Variants in PAQR3 observed in about 807,000 individuals in gnomAD.
PAQR3 encodes Raf kinase trapping to Golgi.
Under a neutral mutation model 41.7 loss-of-function variants are expected in PAQR3, and 39 were observed. The observed-to-expected ratio is 0.93, with a 90% CI of 0.72 to 1.22. The LOEUF (loss-of-function observed/expected upper bound fraction) is 1.22. PAQR3 is among the 50% of genes most tolerant of loss of function. The pLI is 0.00. For missense variants in PAQR3, 366 were observed against 385.6 expected, an observed-to-expected ratio of 0.95 and a Z score of 0.42; for synonymous variants, 140 against 140.6, an observed-to-expected ratio of 1.00 and a Z score of 0.03.
chr4:78,920,522 A>G lies in PAQR3; in HGVS notation c.*17T>C, dbSNP rs746616790. On this transcript the variant is annotated 3_prime_UTR_variant, in exon 6 of 6. Coordinates refer to ENST00000512733, the MANE Select transcript of PAQR3 (RefSeq NM_001040202.2). ...ATATTGCTTAACAACTGAATTCACCAGGTGGCCATACCTAATTCACAAATG... is the reference window on the plus strand; with the variant it reads ...ATATTGCTTAACAACTGAATTCACCGGGTGGCCATACCTAATTCACAAATG... The G allele has an allele frequency of 6.2e-7, 1 of 1,602,578 alleles. No homozygotes were observed. The highest frequency in any genetic ancestry group is 2.3e-5 in the East Asian group (1 of 44,378).
chr4:78,937,677 G>A (rs975121754), intron 1 of PAQR3, among the ~76,000 whole-genome samples: 5 of 152,156 alleles, frequency 3.3e-5, no homozygotes, highest in Admixed American at 1.3e-4. Flanking sequence ...TGGGTATAAT[G>A]AGGCTCAGTG....
At chr4:78,910,994 T>C, downstream of PAQR3, 3 of 1,613,636 alleles carry the variant, frequency 1.9e-6, no homozygotes, top group East Asian at 2.2e-5. Flanking sequence ...TACAGTGACA[T>C]GAGCTCTGTC....
chr4:78,930,824 A>G (rs1736783948), intron 2 of PAQR3, among the ~76,000 whole-genome samples: 1 of 152,022 alleles, frequency 6.6e-6, no homozygotes, highest in South Asian at 2.1e-4. Flanking sequence ...CTTTCCAGAT[A>G]TTTTCAATAC....
rs79697908 is a variant in PAQR3 at position 78,938,133 on chromosome 4, G to A, written c.185+907C>T. ...AAAATCAAGAATCAGACATGTGGTTGCCGCTTGAGCAATTCAACAGCCCAC... is the reference window on the plus strand; with the variant it reads ...AAAATCAAGAATCAGACATGTGGTTACCGCTTGAGCAATTCAACAGCCCAC... On this transcript the variant is annotated intron_variant, in intron 1 of 5. Transcript: ENST00000512733. Among the ~76,000 whole-genome samples, 665 of 152,314 alleles carry A rather than the reference G, an allele frequency of 4.4e-3. 2 individuals carry two copies. The highest frequency in any genetic ancestry group is 0.015 in the African/African-American group (629 of 41,560).
At chr4:78,890,130 A>C (rs951929020) in intron 11 of PAQR3, among the ~76,000 whole-genome samples, 7 of 152,116 alleles carry the variant, frequency 4.6e-5, no homozygotes, top group Admixed American at 4.6e-4. Flanking sequence ...TTATTAAAGT[A>C]TGTATATAGT....
intron 5 of PAQR3, chr4:78,922,413 G>T (rs954867688): frequency 2.3e-6 from 3 of 1,288,856 alleles, no homozygotes; most frequent in Non-Finnish European, 3.0e-6. Context: ...ATTCACCGTG[G>T]AAGTGATTCT....
chr4:78,921,205 T>C (rs1247116051), intron 5 of PAQR3, among the ~76,000 whole-genome samples: 3 of 151,964 alleles, frequency 2.0e-5, no homozygotes, highest in Non-Finnish European at 4.4e-5. Flanking sequence ...ATGTAATTAG[T>C]AATGGATTAA....
chr4:78,920,315 A>C lies in PAQR3; in HGVS notation c.*224T>G. The C allele has an allele frequency of 8.4e-7, 1 of 1,192,634 alleles. No individual in the cohort carries two copies. The highest frequency in any genetic ancestry group is 1.0e-6 in the Non-Finnish European group (1 of 962,490). 73.9% of individuals were successfully genotyped at this position (1,192,634 alleles called of 1,614,324 possible). On this transcript the variant is annotated 3_prime_UTR_variant, in exon 6 of 6. Transcript: ENST00000512733. ...CAGATGTTTCTTATGATTGCCAACTAATTTTCACTTTCTGTACAAGCAGCA... is the reference window on the plus strand; with the variant it reads ...CAGATGTTTCTTATGATTGCCAACTCATTTTCACTTTCTGTACAAGCAGCA...
chr4:78,888,297 T>TAAC (rs1733212798), intron 11 of PAQR3: 2 of 152,248 alleles, frequency 1.3e-5, no homozygotes. Flanking sequence ...CTGGGGAACA[T>TAAC]AGCTTACTGT....
rs1478652816 is a variant in PAQR3 at position 78,913,522 on chromosome 4, A to G, written c.*7017T>C. 6.6e-6 allele frequency: 1 copy of G among 152,132 alleles called. No individual in the cohort carries two copies. 9.4% of individuals were successfully genotyped at this position (152,132 alleles called of 1,614,324 possible). On this transcript the variant is annotated 3_prime_UTR_variant, in exon 6 of 6. Coordinates refer to ENST00000512733, the MANE Select transcript of PAQR3 (RefSeq NM_001040202.2). ...GGAAGTTTCTAGAACAGTTAATGCT[A>G]TTTACAGAAAGGAGTAGAAACTCAT...
In PAQR3 at chr4:78,919,960, T is replaced by G. The variant is rs1184636355; in HGVS notation, c.*579A>C. The G allele has an allele frequency of 1.0e-6, 1 of 985,070 alleles. No individual in the cohort carries two copies. The highest frequency in any genetic ancestry group is 1.2e-6 in the Non-Finnish European group (1 of 829,452). The allele number at this position is 985,070 out of a possible 1,614,324, so 61.0% of individuals were successfully genotyped here. On this transcript the variant is annotated 3_prime_UTR_variant, in exon 6 of 6. Transcript: ENST00000512733. Reference sequence around the variant, plus strand: ...GTTTAAAGCTTTTGTTCTGGAAAACTAAAATATCTAATGTTCTTAGGGAGA... The same window carrying G: ...GTTTAAAGCTTTTGTTCTGGAAAACGAAAATATCTAATGTTCTTAGGGAGA...
intron 3 of PAQR3, 31 bp downstream of exon 3, chr4:78,930,139 G>A (rs190342308): frequency 2.5e-6 from 4 of 1,571,498 alleles, no homozygotes; most frequent in Non-Finnish European, 1.7e-6. Context: ...CAATATGAAA[G>A]GTCGAATGTA....
chr4:78,915,865 C>T lies in PAQR3; in HGVS notation c.*4674G>A, dbSNP rs552956287. On this transcript the variant is annotated 3_prime_UTR_variant, in exon 6 of 6. Coordinates refer to ENST00000512733, the MANE Select transcript of PAQR3 (RefSeq NM_001040202.2). Reference sequence around the variant, plus strand: ...TGAAAGAATTGTTTTTATGACTATGCTCTTTTTGTGATTGAAAAGTCATCT... The same window carrying T: ...TGAAAGAATTGTTTTTATGACTATGTTCTTTTTGTGATTGAAAAGTCATCT... The T allele has an allele frequency of 6.6e-6, 1 of 151,806 alleles. No homozygotes were observed. The highest frequency in any genetic ancestry group is 1.5e-5 in the Non-Finnish European group (1 of 67,830). The allele number at this position is 151,806 out of a possible 1,614,324, so 9.4% of individuals were successfully genotyped here. A position where few individuals can be genotyped will look rare whatever the true frequency, so the allele number is the denominator to read the frequency against.
At position 78,917,775 on chromosome 4, in the gene PAQR3, G is replaced by A. The variant is rs1735224940; in HGVS notation, c.*2764C>T. ...CTAGTAGGTACCTGCCAAATGGAGA[G>A]TTGTACAGTTTTACGGAAGTCAATC... On this transcript the variant is annotated 3_prime_UTR_variant, in exon 6 of 6. Transcript: ENST00000512733. 1 of 976,142 alleles carries A rather than the reference G, an allele frequency of 1.0e-6. No homozygotes were observed. Among genetic ancestry groups the A allele is most frequent in the Non-Finnish European group, 1.2e-6 (1 of 821,486 alleles). 60.5% of individuals were successfully genotyped at this position (976,142 alleles called of 1,614,324 possible).
Position 78,920,118 on chromosome 4 carries a change from AAAC to A in PAQR3, c.*418_*420del. 2 of 986,780 alleles carry A rather than the reference AAAC, an allele frequency of 2.0e-6. No individual in the cohort carries two copies. The highest frequency in any genetic ancestry group is 2.4e-6 in the Non-Finnish European group (2 of 830,642). 61.1% of individuals were successfully genotyped at this position (986,780 alleles called of 1,614,324 possible). A position where few individuals can be genotyped will look rare whatever the true frequency, so the allele number is the denominator to read the frequency against. On this transcript the variant is annotated 3_prime_UTR_variant, in exon 6 of 6. Transcript: ENST00000512733. ...CCTAGCTTGCATTAAGCATAGGCTG[AAAC>A]AACACTTGCCTTGATTAGGCACTTA... is the stretch of plus-strand genomic sequence containing the variant.
rs1383985425 is a variant in PAQR3, at chr4:78,915,593, C to A, written c.*4946G>T. 6.6e-6 allele frequency: 1 copy of A among 151,668 alleles called. No homozygotes were observed. Among genetic ancestry groups the A allele is most frequent in the African/African-American group, 2.4e-5 (1 of 41,316 alleles). 9.4% of individuals were successfully genotyped at this position (151,668 alleles called of 1,614,324 possible). ...AAATGATGAATAGTTTATTTGAGAA[C>A]TTTTATACTCAGTGGTGTTTTATAT... On this transcript the variant is annotated 3_prime_UTR_variant, in exon 6 of 6. Transcript: ENST00000512733.
At position 78,919,750 on chromosome 4, in the gene PAQR3, A is replaced by C; in HGVS notation, c.*789T>G. 1 of 984,904 alleles carries C rather than the reference A, an allele frequency of 1.0e-6. No homozygotes were observed. The highest frequency in any genetic ancestry group is 1.2e-6 in the Non-Finnish European group (1 of 829,524). The allele number at this position is 984,904 out of a possible 1,614,324, so 61.0% of individuals were successfully genotyped here. A position where few individuals can be genotyped will look rare whatever the true frequency, so the allele number is the denominator to read the frequency against. On this transcript the variant is annotated 3_prime_UTR_variant, in exon 6 of 6. Coordinates refer to ENST00000512733, the MANE Select transcript of PAQR3 (RefSeq NM_001040202.2). ...CAAAAACCTGTAATCCACTCACAAG[A>C]ATTCAGTTATTATATGGAATTAAAT... is the stretch of plus-strand genomic sequence containing the variant.
intron 1 of PAQR3, among the ~76,000 whole-genome samples, chr4:78,937,557 T>C (rs1023674810): frequency 9.2e-5 from 14 of 152,242 alleles, no homozygotes; most frequent in African/African-American, 3.1e-4. Context: ...TCACCATTTA[T>C]TGACGGCTTA....
rs1432006695 is a variant in PAQR3, at chr4:78,916,866, T to C, written c.*3673A>G. 1 of 151,830 alleles carries C rather than the reference T, an allele frequency of 6.6e-6. No individual in the cohort carries two copies. The highest frequency in any genetic ancestry group is 1.5e-5 in the Non-Finnish European group (1 of 67,860). 9.4% of individuals were successfully genotyped at this position (151,830 alleles called of 1,614,324 possible). A position where few individuals can be genotyped will look rare whatever the true frequency, so the allele number is the denominator to read the frequency against. ...TTGGATTGATGGACTAAGCTTGGCATCAAGGTTATAATATGTATTATTCCA... is the reference window on the plus strand; with the variant it reads ...TTGGATTGATGGACTAAGCTTGGCACCAAGGTTATAATATGTATTATTCCA... On this transcript the variant is annotated 3_prime_UTR_variant, in exon 6 of 6. Coordinates refer to ENST00000512733, the MANE Select transcript of PAQR3 (RefSeq NM_001040202.2).
Sources: allele counts gnomAD v4.1 joint callset (sites outside exome capture counted in the v4.1 genomes callset), GRCh38; gene constraint gnomAD v4.1.1; transcripts MANE v1.5; gene names NCBI Gene and HGNC (gene_info 2026-07-23, HGNC 2026-07-21).